TRIM2: variants seen among roughly 807,000 people sequenced by gnomAD.
TRIM2 encodes tripartite motif-containing protein 2.
TRIM2 carries 20 observed loss-of-function variants against 75.2 expected under a neutral mutation model. The ratio of observed to expected loss-of-function variants is 0.27; its 90% CI spans 0.19 to 0.39. The LOEUF is 0.39. TRIM2 is among the 10% of genes least tolerant of loss of function. The pLI, the probability that TRIM2 is intolerant of heterozygous loss-of-function variation, is 1.00. For missense variants in TRIM2, 660 were observed against 990.8 expected (o/e 0.67, Z 4.48); for synonymous variants, 373 against 388.3 (o/e 0.96, Z 0.46).
At chr4:153,200,113 G>T (rs1246247685), upstream of TRIM2, among the ~76,000 whole-genome samples, 2 of 151,768 alleles carry the variant, frequency 1.3e-5, no homozygotes, top group Admixed American at 6.6e-5. Context: ...CCTACTTTTT[G>T]AATTTTTAGT....
chr4:153,267,609 C>T (rs1755567351), intron 1 of TRIM2, among the ~76,000 whole-genome samples: 1 of 151,936 alleles, frequency 6.6e-6, no homozygotes, highest in South Asian at 2.1e-4. Flanking sequence ...CGAGATCGCG[C>T]CACTGCACTC....
At chr4:153,247,322 A>G (rs1560880670) in intron 1 of TRIM2, among the ~76,000 whole-genome samples, 1 of 152,162 alleles carries the variant, frequency 6.6e-6, no homozygotes, top group Non-Finnish European at 1.5e-5. Context: ...AACAGCAGGG[A>G]GACACCAGTG....
At chr4:153,222,585 CG>C (rs1740906002) in intron 1 of TRIM2, 2 of 152,072 alleles carry the variant, frequency 1.3e-5, no homozygotes, top group Non-Finnish European at 2.9e-5. Flanking sequence ...CTGCGAGCGC[CG>C]GGCGACATCT....
At chr4:153,314,351 T>C (rs1017167762) in intron 6 of TRIM2, among the ~76,000 whole-genome samples, 34 of 115,480 alleles carry the variant, frequency 2.9e-4, no homozygotes, top group African/African-American at 1.2e-3. Flanking sequence ...ACCCGGGAGG[T>C]GGAGCTTGCA....
At chr4:153,166,486 CCCTT>C (rs1206628711) in intron 1 of TRIM2, among the ~76,000 whole-genome samples, 2 of 123,464 alleles carry the variant, frequency 1.6e-5, no homozygotes, top group Non-Finnish European at 3.7e-5. Flanking sequence ...CTCCCTCCCT[CCCTT>C]CCTTCCCTCC....
chr4:153,215,498 T>TAA (rs111549750), intron 1 of TRIM2, among the ~76,000 whole-genome samples: 1 of 146,800 alleles, frequency 6.8e-6, no homozygotes, highest in African/African-American at 2.5e-5. Flanking sequence ...CATATTTCTA[T>TAA]AAAAAAAAAA....
Position 153,295,676 on chromosome 4 carries a change from C to T in TRIM2, c.1150C>T (p.Leu384=), listed in dbSNP as rs1315985223. The T allele has an allele frequency of 1.2e-6, 2 of 1,613,888 alleles. No individual in the cohort carries two copies. The highest frequency in any genetic ancestry group is 1.7e-6 in the Non-Finnish European group (2 of 1,179,994). Residue 384 remains leucine (L), a synonymous_variant, in exon 6 of 12, where the codon CTG becomes TTG. Coordinates refer to ENST00000338700, the MANE Select transcript of TRIM2 (RefSeq NM_015271.5). This position sits in a 1 kb window ranked among gnomAD's most constrained non-coding sequence, Gnocchi z 7.2. ...CACCACCAAGGACAAAGACGGTGAG[C>T]TGTGCAAAACCGGCAACGCCTACCT... ...TITTKDKDGE[L]CKTGNAYLTA...
At chr4:153,208,052 T>G (rs1441162599) in intron 1 of TRIM2, among the ~76,000 whole-genome samples, 1 of 152,146 alleles carries the variant, frequency 6.6e-6, no homozygotes. Context: ...TGCCAGCACT[T>G]TGGGAGGCCA....
Position 153,337,715 on chromosome 4 carries a change from G to C in TRIM2, c.*2749G>C, listed in dbSNP as rs148181277. ...TAAACTGAGAAGGATATTAAAATAA[G>C]TGGCTTTTTTCTGGGCTACCATTAT... On this transcript the variant is annotated 3_prime_UTR_variant, in exon 12 of 12. Transcript: ENST00000338700. The C allele has an allele frequency of 2.4e-3, 2,345 of 985,838 alleles. 2 individuals are homozygous for C. Among genetic ancestry groups the C allele is most frequent in the Non-Finnish European group, 2.7e-3 (2,272 of 829,940 alleles). 61.1% of individuals were successfully genotyped at this position (985,838 alleles called of 1,614,324 possible).
At position 153,209,302 on chromosome 4, in the gene TRIM2, C is replaced by A. The variant is rs78529504; in HGVS notation, c.30+4742C>A. 1.6e-3 allele frequency among the ~76,000 whole-genome samples: 247 copies of A among 152,302 alleles called. 1 individual carries two copies. The highest frequency in any genetic ancestry group is 5.5e-3 in the African/African-American group (227 of 41,558). On this transcript the variant is annotated intron_variant, in intron 1 of 11. Transcript: ENST00000338700. Reference sequence around the variant, plus strand: ...ACCACCTCCCACACTTATTAGCATGCTGTTTTATCACTCCGATATGTTCAA... The same window carrying A: ...ACCACCTCCCACACTTATTAGCATGATGTTTTATCACTCCGATATGTTCAA...
At chr4:153,309,056 G>C (rs889864509) in intron 6 of TRIM2, among the ~76,000 whole-genome samples, 1 of 152,204 alleles carries the variant, frequency 6.6e-6, no homozygotes, top group African/African-American at 2.4e-5. Context: ...GGGTGCAATG[G>C]TGTACAGGAC....
intron 7 of TRIM2, 95 bp from the exon 8 acceptor site, chr4:153,315,737 C>A: frequency 6.6e-7 from 1 of 1,509,596 alleles, no homozygotes; most frequent in Non-Finnish European, 9.2e-7. Flanking sequence ...TTTGCGTGTT[C>A]TGATCTCTGT....
intron 1 of TRIM2, among the ~76,000 whole-genome samples, chr4:153,235,342 TG>T (rs1419570770): frequency 6.6e-6 from 1 of 151,906 alleles, no homozygotes; most frequent in Non-Finnish European, 1.5e-5. Context: ...TGGAGTGCAG[TG>T]GCATGATCAC....
intron 1 of TRIM2, 91 bp downstream of exon 1, chr4:153,204,651 C>T (rs990400724): frequency 4.0e-6 from 6 of 1,494,936 alleles, no homozygotes; most frequent in Non-Finnish European, 5.5e-6. Flanking sequence ...TGGGTTGCTA[C>T]TTTTTCCTGG....
intron 6 of TRIM2, among the ~76,000 whole-genome samples, chr4:153,313,237 G>C (rs1422125042): frequency 1.3e-5 from 2 of 152,112 alleles, no homozygotes; most frequent in Non-Finnish European, 2.9e-5. Context: ...TATGTGGGTC[G>C]TGTATTGAAG....
chr4:153,194,320 AG>A (rs1733543771), intron 1 of TRIM2, among the ~76,000 whole-genome samples: 1 of 152,226 alleles, frequency 6.6e-6, no homozygotes, highest in Non-Finnish European at 1.5e-5. Context: ...GTGCATATAA[AG>A]AAACACTGCT....
intron 7 of TRIM2, 98 bp downstream of exon 7, chr4:153,315,686 G>GA (rs564772703): frequency 1.4e-6 from 2 of 1,440,690 alleles, no homozygotes; most frequent in Non-Finnish European, 1.9e-6. Flanking sequence ...ATGGTGTAAG[G>GA]AAAAAAGCTT....
intron 1 of TRIM2, among the ~76,000 whole-genome samples, chr4:153,175,628 A>G (rs1179424708): frequency 6.6e-6 from 1 of 152,188 alleles, no homozygotes; most frequent in African/African-American, 2.4e-5. Flanking sequence ...TAGGCTACAT[A>G]TGCAACATGA....
chr4:153,265,198 C>T (rs986465672), intron 1 of TRIM2, among the ~76,000 whole-genome samples: 1 of 151,242 alleles, frequency 6.6e-6, no homozygotes, highest in South Asian at 2.1e-4. Flanking sequence ...ATGATGCTTT[C>T]TCTCTGCTTT....
Sources: gnomAD v4.1 joint callset for allele counts (sites outside exome capture counted in the v4.1 genomes callset) on GRCh38, gnomAD v4.1.1 for gene constraint, Gnocchi (gnomAD v3.1) non-coding constraint, MANE v1.5 for transcripts, NCBI Gene and HGNC (gene_info 2026-07-23, HGNC 2026-07-21) for gene names.